MOB3B: variants seen among roughly 807,000 people sequenced by gnomAD.
MOB3B encodes the protein MOB kinase activator 3B.
In MOB3B, 7 loss-of-function variants were observed where a neutral mutation model predicts 18.7. That is an observed-to-expected ratio of 0.37 (90% CI 0.21 to 0.70). The LOEUF is 0.70. MOB3B is among the 30% of genes least tolerant of loss of function. MOB3B has a pLI of 0.52. For missense variants in MOB3B, 253 were observed against 281.3 expected (o/e 0.90, Z 0.72); for synonymous variants, 111 against 99.9 (o/e 1.11, Z -0.66).
intron 2 of MOB3B, among the ~76,000 whole-genome samples, chr9:27,435,997 T>G (rs1822494351): frequency 1.3e-5 from 2 of 152,168 alleles, no homozygotes; most frequent in Admixed American, 6.5e-5. Context: ...TACTCACACT[T>G]TCCTTCTTTT....
chr9:27,470,131 A>T (rs2131466362), intron 1 of MOB3B, among the ~76,000 whole-genome samples: 1 of 151,594 alleles, frequency 6.6e-6, no homozygotes, highest in South Asian at 2.1e-4. Context: ...AAAAAAAAGA[A>T]AAGAAAACTA....
At chr9:27,420,076 A>G (rs778955131) in intron 2 of MOB3B, among the ~76,000 whole-genome samples, 5 of 152,220 alleles carry the variant, frequency 3.3e-5, no homozygotes, top group Non-Finnish European at 5.9e-5. Flanking sequence ...ACTAATGATC[A>G]GGGAAATGCA....
chr9:27,422,872 C>T (rs1822275429), intron 2 of MOB3B, among the ~76,000 whole-genome samples: 1 of 152,108 alleles, frequency 6.6e-6, no homozygotes, highest in South Asian at 2.1e-4. Flanking sequence ...TTTCTATGTC[C>T]TGAATCTAGA....
intron 2 of MOB3B, among the ~76,000 whole-genome samples, chr9:27,377,302 G>A (rs548335073): frequency 6.6e-6 from 1 of 152,296 alleles, no homozygotes; most frequent in Non-Finnish European, 1.5e-5. Context: ...GCCTAGGCTT[G>A]GATTTAGATT....
At chr9:27,335,713 C>A (rs1820854311) in intron 3 of MOB3B, among the ~76,000 whole-genome samples, 1 of 152,210 alleles carries the variant, frequency 6.6e-6, no homozygotes, top group Non-Finnish European at 1.5e-5. Context: ...ATCGCCAACA[C>A]CCTTTAACGC....
At chr9:27,396,944 C>G (rs41272873) in intron 2 of MOB3B, 2 of 152,162 alleles carry the variant, frequency 1.3e-5, no homozygotes, top group Non-Finnish European at 2.9e-5. Context: ...GGCCAAACAC[C>G]AAATCAAGGA....
intron 2 of MOB3B, among the ~76,000 whole-genome samples, chr9:27,395,575 T>C (rs1455332705): frequency 1.3e-5 from 2 of 152,234 alleles, no homozygotes; most frequent in Admixed American, 6.5e-5. Context: ...TAATAACTTA[T>C]TGCAGGCATC....
Position 27,326,423 on chromosome 9 carries a change from C to G in MOB3B, c.*4164G>C, listed in dbSNP as rs1202157412. Reference sequence around the variant, plus strand: ...CACTTATTATATATCATCTTTGGACCTTTCTAAAAGTGGGACACTAGAAAA... The same window carrying G: ...CACTTATTATATATCATCTTTGGACGTTTCTAAAAGTGGGACACTAGAAAA... On this transcript the variant is annotated 3_prime_UTR_variant, in exon 4 of 4. Coordinates refer to ENST00000262244, the MANE Select transcript of MOB3B (RefSeq NM_024761.5). 1 of 398,342 alleles carries G rather than the reference C, an allele frequency of 2.5e-6. No homozygotes were observed. The highest frequency in any genetic ancestry group is 2.1e-5 in the African/African-American group (1 of 48,594). 24.7% of individuals were successfully genotyped at this position (398,342 alleles called of 1,614,324 possible). A position where few individuals can be genotyped will look rare whatever the true frequency, so the allele number is the denominator to read the frequency against.
intron 1 of MOB3B, among the ~76,000 whole-genome samples, chr9:27,511,190 A>G (rs1401444076): frequency 1.4e-5 from 2 of 140,622 alleles, no homozygotes; most frequent in African/African-American, 2.6e-5. Context: ...TAGTGATGCT[A>G]TTAGGTAAAA....
chr9:27,345,964 C>T (rs1196851692), intron 3 of MOB3B, among the ~76,000 whole-genome samples: 1 of 152,118 alleles, frequency 6.6e-6, no homozygotes, highest in African/African-American at 2.4e-5. Flanking sequence ...CAGCAAATAC[C>T]ATGCTATAAT....
chr9:27,344,715 G>A (rs1459871322), intron 3 of MOB3B, among the ~76,000 whole-genome samples: 1 of 152,354 alleles, frequency 6.6e-6, no homozygotes, highest in Non-Finnish European at 1.5e-5. Context: ...AAAGCTGGAT[G>A]TGGATGTGGT....
intron 2 of MOB3B, among the ~76,000 whole-genome samples, chr9:27,379,457 G>A (rs1262858629): frequency 6.6e-6 from 1 of 152,094 alleles, no homozygotes; most frequent in African/African-American, 2.4e-5. Flanking sequence ...TTACCTCACT[G>A]AGTCCTCACC....
At chr9:27,501,884 C>CA (rs113009030) in intron 1 of MOB3B, among the ~76,000 whole-genome samples, 5 of 150,814 alleles carry the variant, frequency 3.3e-5, no homozygotes, top group Admixed American at 6.6e-5. Flanking sequence ...GTTTACTTGA[C>CA]AAAAAAAAGA....
rs778596070 is a variant in MOB3B at position 27,529,587 on chromosome 9, C to G, written c.-231G>C. On this transcript the variant is annotated 5_prime_UTR_variant, in exon 1 of 4. Coordinates refer to ENST00000262244, the MANE Select transcript of MOB3B (RefSeq NM_024761.5). ...TTTTACCTCCAGCCCAGGGCCCGGTCGGCTCCCTTCGCCGGGTCAGCTGCA... is the reference window on the plus strand; with the variant it reads ...TTTTACCTCCAGCCCAGGGCCCGGTGGGCTCCCTTCGCCGGGTCAGCTGCA... 2 of 985,612 alleles carry G rather than the reference C, an allele frequency of 2.0e-6. No homozygotes were observed. Among genetic ancestry groups the G allele is most frequent in the Admixed American group, 6.1e-5 (1 of 16,270 alleles). 61.1% of individuals were successfully genotyped at this position (985,612 alleles called of 1,614,324 possible). A position where few individuals can be genotyped will look rare whatever the true frequency, so the allele number is the denominator to read the frequency against.
chr9:27,334,917 G>A lies in MOB3B; in HGVS notation c.622-4301C>T, dbSNP rs565589857. Among the ~76,000 whole-genome samples, 164 of 152,280 alleles carry A rather than the reference G, an allele frequency of 1.1e-3. 2 individuals are homozygous for A. Among genetic ancestry groups the A allele is most frequent in the Middle Eastern group, 3.4e-3 (1 of 294 alleles). Reference sequence around the variant, plus strand: ...CGGCTCACTGCAAGCTCCACCTCCTGGGGTCACGCCATTCTCCAGCCTCAG... The same window carrying A: ...CGGCTCACTGCAAGCTCCACCTCCTAGGGTCACGCCATTCTCCAGCCTCAG... On this transcript the variant is annotated intron_variant, in intron 3 of 3. Coordinates refer to ENST00000262244, the MANE Select transcript of MOB3B (RefSeq NM_024761.5).
At chr9:27,433,649 A>C (rs1393440743) in intron 2 of MOB3B, among the ~76,000 whole-genome samples, 1 of 152,202 alleles carries the variant, frequency 6.6e-6, no homozygotes, top group Non-Finnish European at 1.5e-5. Context: ...GAAGAGAAGC[A>C]GCGAAGGGAG....
chr9:27,373,547 C>A (rs1209789080), intron 2 of MOB3B, among the ~76,000 whole-genome samples: 1 of 152,196 alleles, frequency 6.6e-6, no homozygotes, highest in African/African-American at 2.4e-5. Flanking sequence ...CTCATCCCCT[C>A]ACCCTCTCTA....
intron 1 of MOB3B, among the ~76,000 whole-genome samples, chr9:27,507,134 G>A (rs1205589105): frequency 6.6e-6 from 1 of 152,064 alleles, no homozygotes; most frequent in Non-Finnish European, 1.5e-5. Flanking sequence ...TTTTATCATT[G>A]TGTCTATGAG....
intron 2 of MOB3B, among the ~76,000 whole-genome samples, chr9:27,402,489 A>G (rs1477291974): frequency 6.6e-6 from 1 of 152,266 alleles, no homozygotes; most frequent in Non-Finnish European, 1.5e-5. Context: ...ATTATAGACA[A>G]TACAGTCCTT....
Sources: allele counts gnomAD v4.1 joint callset (sites outside exome capture counted in the v4.1 genomes callset), GRCh38; gene constraint gnomAD v4.1.1; transcripts MANE v1.5; gene names NCBI Gene and HGNC (gene_info 2026-07-23, HGNC 2026-07-21).